Variants in ARHGAP27 observed in about 807,000 individuals in gnomAD.
ARHGAP27 encodes rho GTPase-activating protein 27.
ARHGAP27 carries 53 observed loss-of-function variants against 102.0 expected under a neutral mutation model. The ratio of observed to expected loss-of-function variants is 0.52; its 90% CI spans 0.42 to 0.65. The LOEUF (loss-of-function observed/expected upper bound fraction) is 0.65, where lower values mean the gene tolerates loss of function less well. Ranked by LOEUF, ARHGAP27 falls within the 30% of genes least tolerant of loss-of-function variation. The pLI, the probability that ARHGAP27 is intolerant of heterozygous loss-of-function variation, is 0.00. For missense variants in ARHGAP27, 1,117 were observed against 1,256.2 expected, an observed-to-expected ratio of 0.89 and a Z score of 1.68; for synonymous variants, 525 against 542.8, an observed-to-expected ratio of 0.97 and a Z score of 0.46.
At chr17:45,402,933 G>A in intron 11 of ARHGAP27, 115 bp from the exon 12 acceptor site, 2 of 910,272 alleles carry the variant, frequency 2.2e-6, no homozygotes, top group Non-Finnish European at 3.5e-6. Context: ...CAACTCTGGG[G>A]AAAAGTGCCC....
At position 45,404,282 on chromosome 17, in the gene ARHGAP27, G is replaced by A; in HGVS notation, c.1466C>T (p.Thr489Ile). 6.2e-7 allele frequency: 1 copy of A among 1,614,012 alleles called. No homozygotes were observed. Among genetic ancestry groups the A allele is most frequent in the Non-Finnish European group, 8.5e-7 (1 of 1,179,982 alleles). The change falls in exon 9 of 20, where the codon ACA (threonine) becomes ATA (isoleucine). Residue 489 changes from threonine (T) to isoleucine (I), a missense_variant. By Grantham distance (89) the Thr-to-Ile change is moderately conservative. Transcript: ENST00000685559. ...VGSWEEVSPA[T>I]AAVRTKTLDK... Reference sequence around the variant, plus strand: ...GGTGATGCCTACCCTCACAGCAGCTGTGGCAGGAGAGACTTCCTCCCAGCT... The same window carrying A: ...GGTGATGCCTACCCTCACAGCAGCTATGGCAGGAGAGACTTCCTCCCAGCT...
chr17:45,397,181 T>G, intron 13 of ARHGAP27, 157 bp from the exon 14 acceptor site: 1 of 1,437,974 alleles, frequency 7.0e-7, no homozygotes, highest in African/African-American at 1.4e-5. Context: ...TCTCCTTACC[T>G]CCACCAGTGA....
At chr17:45,405,178 C>A (rs1342756633) in intron 5 of ARHGAP27, 72 bp from the exon 6 acceptor site, 1 of 1,472,696 alleles carries the variant, frequency 6.8e-7, no homozygotes, top group Non-Finnish European at 9.1e-7. Flanking sequence ...CGTTTTGGAC[C>A]AGGCCCACCC....
In ARHGAP27 at chr17:45,404,234, C is replaced by G. The variant is rs184103721; in HGVS notation, c.1479+35G>C. The G allele has an allele frequency of 2.2e-3, 3,501 of 1,613,142 alleles. 71 individuals carry two copies. In the Admixed American group the frequency reaches 0.042, roughly 19 times the overall value. The stretch of plus-strand genomic sequence containing the variant: ...CTCCACTGAACCCTCCTCGCCAGCA[C>G]CACCACCTGGCTGGGGGTAGGGGGT... On this transcript the variant is annotated intron_variant, in intron 9 of 19. Coordinates refer to ENST00000685559, the MANE Select transcript of ARHGAP27 (RefSeq NM_001282290.2).
intron 4 of ARHGAP27, among the ~76,000 whole-genome samples, chr17:45,412,751 T>C (rs1005285163): frequency 4.6e-5 from 7 of 152,074 alleles, no homozygotes; most frequent in Admixed American, 6.6e-5. Context: ...CAGAGCTACA[T>C]GTCCAGGGGC....
intron 12 of ARHGAP27, among the ~76,000 whole-genome samples, chr17:45,399,108 A>C (rs943742711): frequency 2.6e-5 from 4 of 152,186 alleles, no homozygotes; most frequent in African/African-American, 9.6e-5. Flanking sequence ...TCTGGCTCTG[A>C]GGACCCAGTG....
intron 4 of ARHGAP27, among the ~76,000 whole-genome samples, chr17:45,420,755 C>T (rs2048948026): frequency 1.3e-5 from 2 of 150,846 alleles, no homozygotes; most frequent in Non-Finnish European, 3.0e-5. Context: ...GAGATTGAGA[C>T]CATCCTGGCT....
chr17:45,400,551 G>T (rs558611335), intron 12 of ARHGAP27, among the ~76,000 whole-genome samples: 5 of 152,296 alleles, frequency 3.3e-5, no homozygotes, highest in Middle Eastern at 3.4e-3. Flanking sequence ...CATCAGTGAT[G>T]ATCTTCATTG....
rs749117763 is a variant in ARHGAP27 at position 45,396,915 on chromosome 17, C to A, written c.1951+1G>T. ...CCCACCCCATCCTGCCTTGCGCACACCTGCATTCGGTCGCGCGTCCTCCTC... is the reference window on the plus strand; with the variant it reads ...CCCACCCCATCCTGCCTTGCGCACAACTGCATTCGGTCGCGCGTCCTCCTC... On this transcript the variant is annotated splice_donor_variant, in intron 14 of 19. Transcript: ENST00000685559. LOFTEE classifies it high-confidence loss of function. 1 of 1,607,006 alleles carries A rather than the reference C, an allele frequency of 6.2e-7. No individual in the cohort carries two copies. Among genetic ancestry groups the A allele is most frequent in the East Asian group, 2.2e-5 (1 of 44,886 alleles).
rs2045330659 is a variant in ARHGAP27 at position 45,394,009 on chromosome 17, G to A, written c.*1447C>T. The A allele has an allele frequency of 6.6e-6, 1 of 152,534 alleles. No homozygotes were observed. The highest frequency in any genetic ancestry group is 6.6e-5 in the Admixed American group (1 of 15,262). 9.4% of individuals were successfully genotyped at this position (152,534 alleles called of 1,614,324 possible). A position where few individuals can be genotyped will look rare whatever the true frequency, so the allele number is the denominator to read the frequency against. On this transcript the variant is annotated 3_prime_UTR_variant, in exon 20 of 20. Transcript: ENST00000685559. Reference sequence around the variant, plus strand: ...AGGCCCCTGTGTGTACTCTTGCCCTGGCCCTGTTGGCAATGGGGTGGGCTT... The same window carrying A: ...AGGCCCCTGTGTGTACTCTTGCCCTAGCCCTGTTGGCAATGGGGTGGGCTT...
At chr17:45,425,643 G>A in intron 4 of ARHGAP27, 3 of 985,444 alleles carry the variant, frequency 3.0e-6, no homozygotes, top group Non-Finnish European at 2.4e-6. Flanking sequence ...CGGCGCCTCC[G>A]GGGCTGCTTG....
At chr17:45,397,130 A>C (rs1299897651) in intron 13 of ARHGAP27, 106 bp from the exon 14 acceptor site, 1 of 1,510,980 alleles carries the variant, frequency 6.6e-7, no homozygotes, top group Non-Finnish European at 8.8e-7. Context: ...TGGCCTGGAG[A>C]CCCTCAGCGA....
In ARHGAP27 at chr17:45,397,324, C is replaced by T. The variant is rs1285444229; in HGVS notation, c.1843-300G>A. The T allele has an allele frequency of 1.9e-5, 24 of 1,288,850 alleles. No individual in the cohort carries two copies. In the East Asian group the frequency reaches 4.0e-4, roughly 21 times the overall value. The allele number at this position is 1,288,850 out of a possible 1,614,324, so 79.8% of individuals were successfully genotyped here. ...TGCCTTCTTTCTCTATTTTCCTCAG[C>T]TCCTCTAACTGGGTCAGCATTCCTC... On this transcript the variant is annotated intron_variant, in intron 13 of 19. Transcript: ENST00000685559.
At chr17:45,412,289 C>T (rs1447951035) in intron 4 of ARHGAP27, among the ~76,000 whole-genome samples, 1 of 152,214 alleles carries the variant, frequency 6.6e-6, no homozygotes, top group Non-Finnish European at 1.5e-5. Flanking sequence ...ACAGTGGCTC[C>T]CCAGAGGGGT....
At chr17:45,425,002 G>T (rs1328071022) in intron 4 of ARHGAP27, among the ~76,000 whole-genome samples, 1 of 145,592 alleles carries the variant, frequency 6.9e-6, no homozygotes, top group Non-Finnish European at 1.5e-5. Context: ...GGGCCTGCAG[G>T]AGAGCCAGGG....
chr17:45,424,696 A>T (rs2049381277), intron 4 of ARHGAP27, among the ~76,000 whole-genome samples: 1 of 151,522 alleles, frequency 6.6e-6, no homozygotes, highest in African/African-American at 2.4e-5. Context: ...GAGGGATAAA[A>T]GACTACACAT....
At chr17:45,402,874 G>A in intron 11 of ARHGAP27, 56 bp from the exon 12 acceptor site, 2 of 1,449,770 alleles carry the variant, frequency 1.4e-6, no homozygotes, top group Non-Finnish European at 1.9e-6. Flanking sequence ...TGTCTGCTGT[G>A]GCACTCTGAC....
intron 4 of ARHGAP27, chr17:45,425,595 C>T: frequency 1.3e-5 from 13 of 985,582 alleles, no homozygotes; most frequent in Non-Finnish European, 1.6e-5. Flanking sequence ...GGAATGAGGG[C>T]CCCGGGCTCC....
intron 2 of ARHGAP27, among the ~76,000 whole-genome samples, 191 bp from the exon 3 acceptor site, chr17:45,431,943 C>A (rs1320491715): frequency 6.6e-6 from 1 of 152,138 alleles, no homozygotes; most frequent in Non-Finnish European, 1.5e-5. Flanking sequence ...GGGGCACTGG[C>A]AGGTCGCGAG....
Sources: allele counts gnomAD v4.1 joint callset (sites outside exome capture counted in the v4.1 genomes callset), GRCh38; gene constraint gnomAD v4.1.1; transcripts MANE v1.5; gene names NCBI Gene and HGNC (gene_info 2026-07-23, HGNC 2026-07-21).